The following ABCA8 variants were observed in gnomAD, a reference collection of about 807,000 sequenced individuals.
ABCA8 encodes ATP binding cassette subfamily A member 8.
A neutral mutation model predicts 192.3 loss-of-function variants in ABCA8; 177 were observed. The observed-to-expected ratio is 0.92, with a 90% CI of 0.81 to 1.04. The LOEUF is 1.04. Ranked by LOEUF, ABCA8 falls within the 50% of genes least tolerant of loss-of-function variation. The pLI is 0.00. For synonymous variants in ABCA8, 642 were observed against 690.2 expected, an observed-to-expected ratio of 0.93 and a Z score of 1.09; for missense variants, 1,915 against 1,904.8, an observed-to-expected ratio of 1.01 and a Z score of -0.10.
At chr17:68,922,722 T>C (rs2067579660) in intron 11 of ABCA8, among the ~76,000 whole-genome samples, 1 of 152,074 alleles carries the variant, frequency 6.6e-6, no homozygotes, top group Non-Finnish European at 1.5e-5. Context: ...TGATTCAAGG[T>C]CTCCCAAGGT....
At chr17:68,936,824 A>G (rs1015641634) in intron 5 of ABCA8, 127 bp downstream of exon 5, 3 of 737,260 alleles carry the variant, frequency 4.1e-6, no homozygotes, top group Non-Finnish European at 6.0e-6. Flanking sequence ...TTAAATGTTG[A>G]GGGACATGCA....
chr17:68,881,256 C>T (rs1399566234), intron 31 of ABCA8, 45 bp from the exon 32 acceptor site: 1 of 1,324,338 alleles, frequency 7.6e-7, no homozygotes, highest in Non-Finnish European at 1.1e-6. Flanking sequence ...TTAATGGTAA[C>T]ATTAAGAGTA....
chr17:68,894,103 C>A (rs1175046184), intron 23 of ABCA8, 70 bp downstream of exon 23: 2 of 1,518,534 alleles, frequency 1.3e-6, no homozygotes, highest in Non-Finnish European at 1.8e-6. Flanking sequence ...AAGATTCCAG[C>A]ACTTAAAAGG....
intron 2 of ABCA8, among the ~76,000 whole-genome samples, chr17:68,948,868 G>C (rs896659233): frequency 6.6e-6 from 1 of 151,988 alleles, no homozygotes; most frequent in South Asian, 2.1e-4. Flanking sequence ...GGTTTTTATG[G>C]TTTTGGGTTT....
intron 15 of ABCA8, 101 bp downstream of exon 15, chr17:68,918,326 T>A: frequency 6.7e-7 from 1 of 1,484,450 alleles, no homozygotes. Flanking sequence ...CTATTATGAA[T>A]ATTTTATAAC....
rs1345189665 is a variant in ABCA8, at chr17:68,894,206, T to A, written c.3003A>T (p.Val1001=). ...NGLLGMVKPS[V]HIRTERSTFL... ...ATGTACTTCTTTCAGTTCGGATATG[T>A]ACTGATGGTTTAACCATTCCAAGTA... Residue 1001 remains valine (V), a synonymous_variant, in exon 23 of 40, where the codon GTA becomes GTT. Transcript: ENST00000586539. 2.5e-6 allele frequency: 4 copies of A among 1,613,262 alleles called. No individual in the cohort carries two copies. The highest frequency in any genetic ancestry group is 3.4e-6 in the Non-Finnish European group (4 of 1,179,650).
chr17:68,871,816 G>A (rs1040506392), intron 37 of ABCA8, among the ~76,000 whole-genome samples: 8 of 152,038 alleles, frequency 5.3e-5, no homozygotes, highest in African/African-American at 9.7e-5. Context: ...CAAACTTACT[G>A]TGCTGCCAAT....
chr17:68,883,142 A>G (rs534408712), intron 29 of ABCA8, among the ~76,000 whole-genome samples: 119 of 152,302 alleles, frequency 7.8e-4, no homozygotes, highest in African/African-American at 2.7e-3. Context: ...AAGTCTGATA[A>G]TATCCAGGAT....
Position 68,907,827 on chromosome 17 carries a change from G to A in ABCA8, c.2191C>T (p.Gln731Ter), listed in dbSNP as rs189066157. ...VEENITSLVK[Q>*]HIPDAKLSAK... ...GATAATTTGGCATCAGGGATGTGCT[G>A]TTTAACAAGTGATGTTATGTTTTCC... Residue 731 changes from glutamine to a stop codon, truncating the protein, a stop_gained, in exon 18 of 40, where the codon CAG becomes TAG. Transcript: ENST00000586539. LOFTEE classifies it high-confidence loss of function. 6.2e-7 allele frequency: 1 copy of A among 1,603,230 alleles called. No homozygotes were observed. Among genetic ancestry groups the A allele is most frequent in the East Asian group, 2.2e-5 (1 of 44,466 alleles).
Position 68,921,420 on chromosome 17 carries a change from A to G in ABCA8, c.1574T>C (p.Leu525Pro). ...LGHSGAGKST[L>P]LNILSGLSVP... ...AGACAACCCACTAAGAATGTTTAGC[A>G]GTGTTGACTTTCCAGCTCCACTGTG... Residue 525 changes from leucine (L) to proline (P), a missense_variant, in exon 13 of 40, where the codon CTG (leucine) becomes CCG (proline). Leu to Pro is a moderately conservative substitution (Grantham distance 98, BLOSUM62 -3). Transcript: ENST00000586539. The G allele has an allele frequency of 1.2e-6, 2 of 1,611,538 alleles. No homozygotes were observed. The highest frequency in any genetic ancestry group is 1.7e-6 in the Non-Finnish European group (2 of 1,178,364).
intron 14 of ABCA8, 132 bp downstream of exon 14, chr17:68,919,169 G>T: frequency 1.2e-6 from 1 of 821,262 alleles, no homozygotes; most frequent in Non-Finnish European, 1.9e-6. Context: ...GTTAGCTATT[G>T]TTTAAATTGG....
At chr17:68,896,704 G>A (rs2066769494) in intron 21 of ABCA8, among the ~76,000 whole-genome samples, 1 of 152,124 alleles carries the variant, frequency 6.6e-6, no homozygotes, top group African/African-American at 2.4e-5. Context: ...AAGCACAAGA[G>A]GAGTAATGCT....
chr17:68,921,503 AAAAAG>A lies in ABCA8; in HGVS notation c.1502-16_1502-12del. 1 of 1,555,094 alleles carries A rather than the reference AAAAAG, an allele frequency of 6.4e-7. No individual in the cohort carries two copies. Among genetic ancestry groups the A allele is most frequent in the Non-Finnish European group, 8.8e-7 (1 of 1,134,286 alleles). On this transcript the variant is annotated splice_polypyrimidine_tract_variant and intron_variant, in intron 12 of 39. Transcript: ENST00000586539. ...TGTCAAATACCAGATCTAGGAAGAA[AAAAAG>A]AAAGGAAAGAAAGATAAGATAAAGG...
chr17:68,918,461 A>G lies in ABCA8; in HGVS notation c.1874T>C (p.Leu625Pro), dbSNP rs1415303024. Residue 625 changes from leucine to proline, a missense_variant, in exon 15 of 40, where the codon CTA becomes CCA. Physicochemically the swap from Leu to Pro is moderately conservative, Grantham distance 98 (BLOSUM62 -3). Coordinates refer to ENST00000586539, the MANE Select transcript of ABCA8 (RefSeq NM_001288985.2). The stretch of plus-strand genomic sequence containing the variant: ...TCCTAAAATGGCAATCCCAAAGGTT[A>G]GCTTTCTTTTCTGTCCACCACTTAA... ...QNLSGGQKRK[L>P]TFGIAILGDP... The G allele has an allele frequency of 1.3e-6, 2 of 1,569,858 alleles. No homozygotes were observed. Among genetic ancestry groups the G allele is most frequent in the Non-Finnish European group, 1.7e-6 (2 of 1,162,462 alleles).
At chr17:68,879,933 T>A (rs1300920250) in intron 32 of ABCA8, 2 of 152,178 alleles carry the variant, frequency 1.3e-5, no homozygotes. Flanking sequence ...GTGCCATAGA[T>A]GGCATGTTGA....
At chr17:68,893,603 C>T (rs1261351672) in intron 23 of ABCA8, among the ~76,000 whole-genome samples, 4 of 151,386 alleles carry the variant, frequency 2.6e-5, no homozygotes, top group South Asian at 2.1e-4. Flanking sequence ...TTCATTCATT[C>T]GTTCATTCCT....
chr17:68,946,713 C>T (rs139202402), intron 2 of ABCA8, among the ~76,000 whole-genome samples: 74 of 152,108 alleles, frequency 4.9e-4, no homozygotes, highest in East Asian at 4.1e-3. Flanking sequence ...CTGAGGCAGG[C>T]GGATAACCTG....
chr17:68,903,605 A>AT, intron 19 of ABCA8, 106 bp from the exon 20 acceptor site: 1 of 1,024,724 alleles, frequency 9.8e-7, no homozygotes, highest in South Asian at 1.6e-5. Context: ...TACTATAGGT[A>AT]TAACGTGGTT....
intron 36 of ABCA8, 35 bp downstream of exon 36, chr17:68,875,579 T>C: frequency 6.2e-7 from 1 of 1,608,424 alleles, no homozygotes. Context: ...GCAATGCACC[T>C]TGGGCTCAAG....
Sources: gnomAD v4.1 joint callset for allele counts (sites outside exome capture counted in the v4.1 genomes callset) on GRCh38, gnomAD v4.1.1 for gene constraint, MANE v1.5 for transcripts, NCBI Gene and HGNC (gene_info 2026-07-23, HGNC 2026-07-21) for gene names.